Variants in KDM4C observed in about 807,000 individuals in gnomAD.
KDM4C encodes the protein lysine-specific demethylase 4C.
A neutral mutation model predicts 129.3 loss-of-function variants in KDM4C; 81 were observed. The observed-to-expected ratio is 0.63, with a 90% confidence interval of 0.52 to 0.75. The LOEUF is 0.75. Ranked by LOEUF, KDM4C falls within the 30% of genes least tolerant of loss-of-function variation. The probability of loss-of-function intolerance (pLI) is 0.00; values close to 1 mark genes in which losing one functional copy is unlikely to be tolerated. For missense variants in KDM4C, 1,457 were observed against 1,304.0 expected (o/e 1.12, Z -1.81); for synonymous variants, 573 against 456.1 (o/e 1.26, Z -3.26).
chr9:6,746,972 C>T (rs943170485), intron 1 of KDM4C, among the ~76,000 whole-genome samples: 3 of 131,600 alleles, frequency 2.3e-5, no homozygotes, highest in Non-Finnish European at 3.1e-5. Context: ...CCACTGAACT[C>T]CAGCCTGGGC....
chr9:7,106,134 C>T (rs753564608), intron 18 of KDM4C, among the ~76,000 whole-genome samples: 5 of 152,178 alleles, frequency 3.3e-5, no homozygotes, highest in Non-Finnish European at 5.9e-5. Context: ...ACTCCAAGTA[C>T]GGATTCCTCC....
intron 1 of KDM4C, among the ~76,000 whole-genome samples, chr9:6,726,025 C>T (rs1352860863): frequency 2.0e-5 from 3 of 151,864 alleles, no homozygotes; most frequent in Admixed American, 2.0e-4. Context: ...CTCCCTGGTT[C>T]AAGCAATTCC....
At chr9:6,872,711 C>T (rs182863629) in intron 5 of KDM4C, among the ~76,000 whole-genome samples, 61 of 152,212 alleles carry the variant, frequency 4.0e-4, no homozygotes, top group African/African-American at 1.4e-3. Context: ...TTTTGCTTTC[C>T]ATTTGCTTGG....
chr9:6,775,364 C>T (rs536193829), intron 1 of KDM4C, among the ~76,000 whole-genome samples: 1 of 152,092 alleles, frequency 6.6e-6, no homozygotes, highest in East Asian at 1.9e-4. Context: ...ATTTTCACTG[C>T]TGTGTAGTTC....
intron 15 of KDM4C, among the ~76,000 whole-genome samples, chr9:7,030,987 G>T (rs1826631647): frequency 6.6e-6 from 1 of 151,950 alleles, no homozygotes; most frequent in South Asian, 2.1e-4. Context: ...GAATCATAAA[G>T]AAAGTTGTAT....
At chr9:6,792,360 A>G (rs1213735231) in intron 1 of KDM4C, among the ~76,000 whole-genome samples, 1 of 101,868 alleles carries the variant, frequency 9.8e-6, no homozygotes, top group Non-Finnish European at 2.1e-5. Flanking sequence ...ATTTTTATTT[A>G]TTTTTTATTT....
intron 19 of KDM4C, among the ~76,000 whole-genome samples, chr9:7,134,618 A>G (rs143563847): frequency 6.6e-6 from 1 of 152,382 alleles, no homozygotes; most frequent in East Asian, 1.9e-4. Context: ...CAAAAACAGT[A>G]TGTAAACCAG....
At chr9:6,940,368 A>AT (rs1825726087) in intron 8 of KDM4C, among the ~76,000 whole-genome samples, 1 of 152,188 alleles carries the variant, frequency 6.6e-6, no homozygotes, top group South Asian at 2.1e-4. Flanking sequence ...CTTTCATGTT[A>AT]TTAGAGCTTC....
At chr9:6,732,667 C>G (rs924450384) in intron 1 of KDM4C, among the ~76,000 whole-genome samples, 1 of 152,106 alleles carries the variant, frequency 6.6e-6, no homozygotes, top group African/African-American at 2.4e-5. Flanking sequence ...CTTCCTAAAC[C>G]GGGATTGAAC....
Position 7,129,442 on chromosome 9 carries a change from C to G in KDM4C, c.2781+1206C>G, listed in dbSNP as rs530316461. Reference sequence around the variant, plus strand: ...GTGAATTGTGTTTCTTACCAGGGTTCTAGCTGGAGTTTCCCTTTACTGCAT... The same window carrying G: ...GTGAATTGTGTTTCTTACCAGGGTTGTAGCTGGAGTTTCCCTTTACTGCAT... On this transcript the variant is annotated intron_variant, in intron 19 of 21. Coordinates refer to ENST00000381309, the MANE Select transcript of KDM4C (RefSeq NM_015061.6). Among the ~76,000 whole-genome samples the G allele has an allele frequency of 1.8e-3, 271 of 152,260 alleles. 1 individual carries two copies. Among genetic ancestry groups the G allele is most frequent in the African/African-American group, 6.1e-3 (255 of 41,546 alleles).
chr9:7,171,942 G>A (rs1289307665), intron 21 of KDM4C, among the ~76,000 whole-genome samples: 4 of 152,126 alleles, frequency 2.6e-5, no homozygotes, highest in Non-Finnish European at 5.9e-5. Flanking sequence ...AGGGAACAAA[G>A]GCTCACGGTC....
intron 12 of KDM4C, among the ~76,000 whole-genome samples, chr9:7,007,520 T>G (rs778168759): frequency 3.3e-5 from 5 of 152,232 alleles, no homozygotes; most frequent in Admixed American, 6.5e-5. Context: ...TTCAAGTTGA[T>G]TAAGGCAAGC....
At chr9:6,919,209 G>T (rs1345934436) in intron 8 of KDM4C, among the ~76,000 whole-genome samples, 1 of 114,780 alleles carries the variant, frequency 8.7e-6, no homozygotes, top group Non-Finnish European at 2.0e-5. Context: ...TACAGATTCT[G>T]AATTTTCTTT....
chr9:6,970,082 G>A (rs921393272), intron 8 of KDM4C, among the ~76,000 whole-genome samples: 12 of 152,314 alleles, frequency 7.9e-5, no homozygotes, highest in African/African-American at 2.6e-4. Context: ...TAAATTACAT[G>A]CCTGAGTTTG....
chr9:6,982,508 G>T (rs1231530938), intron 9 of KDM4C: 1 of 152,236 alleles, frequency 6.6e-6, no homozygotes, highest in Middle Eastern at 3.4e-3. Context: ...GAGTATGTGT[G>T]TATGTGTGTA....
chr9:6,732,570 T>G (rs895510413), intron 1 of KDM4C, among the ~76,000 whole-genome samples: 47 of 151,864 alleles, frequency 3.1e-4, no homozygotes, highest in African/African-American at 1.1e-3. Context: ...TTAAGAAGGT[T>G]AAGGAGGGAA....
intron 8 of KDM4C, among the ~76,000 whole-genome samples, chr9:6,969,391 C>A (rs929884783): frequency 3.3e-5 from 5 of 152,164 alleles, no homozygotes; most frequent in African/African-American, 9.7e-5. Flanking sequence ...AAAAATCAAG[C>A]CTCCACATTA....
At chr9:6,927,093 A>G (rs72701475) in intron 8 of KDM4C, among the ~76,000 whole-genome samples, 1 of 54,966 alleles carries the variant, frequency 1.8e-5, no homozygotes, top group Admixed American at 2.3e-4. Flanking sequence ...AAAATTTTCT[A>G]TCTATCTATC....
chr9:6,957,313 C>T (rs1829236832), intron 8 of KDM4C, among the ~76,000 whole-genome samples: 1 of 152,128 alleles, frequency 6.6e-6, no homozygotes, highest in South Asian at 2.1e-4. Flanking sequence ...ATATTGTGCA[C>T]TAACCCTACC....
Sources: gnomAD v4.1 joint callset for allele counts (sites outside exome capture counted in the v4.1 genomes callset) on GRCh38, gnomAD v4.1.1 for gene constraint, MANE v1.5 for transcripts, NCBI Gene and HGNC (gene_info 2026-07-23, HGNC 2026-07-21) for gene names.